Variants in NALF1 observed in about 807,000 individuals in gnomAD.
NALF1 encodes family with sequence similarity 155 member A.
NALF1 carries 3 observed loss-of-function variants against 48.4 expected under a neutral mutation model. The observed-to-expected ratio is 0.06, with a 90% CI of 0.03 to 0.16. NALF1 has a LOEUF of 0.16. Ranked by LOEUF, NALF1 falls within the 10% of genes least tolerant of loss-of-function variation. The pLI, the probability that NALF1 is intolerant of heterozygous loss-of-function variation, is 1.00. For missense variants in NALF1, 526 were observed against 571.5 expected (o/e 0.92, Z 0.81); for synonymous variants, 262 against 245.7 (o/e 1.07, Z -0.62).
intron 1 of NALF1, among the ~76,000 whole-genome samples, chr13:107,348,620 C>A (rs1882816726): frequency 6.6e-6 from 1 of 151,646 alleles, no homozygotes; most frequent in Non-Finnish European, 1.5e-5. Flanking sequence ...CAGGCCCCTG[C>A]GTGTGATGTT....
intron 1 of NALF1, among the ~76,000 whole-genome samples, chr13:107,540,750 G>A (rs1876976515): frequency 6.6e-6 from 1 of 152,046 alleles, no homozygotes; most frequent in Non-Finnish European, 1.5e-5. Context: ...AGCACAACAA[G>A]CATTAAAGTC....
At chr13:107,250,520 C>CTGTAA (rs1880676947) in intron 1 of NALF1, among the ~76,000 whole-genome samples, 1 of 152,030 alleles carries the variant, frequency 6.6e-6, no homozygotes, top group African/African-American at 2.4e-5. Flanking sequence ...TACAGTAACA[C>CTGTAA]TGGATGATAG....
intron 1 of NALF1, among the ~76,000 whole-genome samples, chr13:107,522,720 TTGCG>T (rs1566376175): frequency 1.3e-5 from 2 of 152,060 alleles, no homozygotes; most frequent in South Asian, 4.2e-4. Context: ...TCTCCTGCCT[TTGCG>T]TCCCGAGTAG....
Position 107,598,970 on chromosome 13 carries a change from T to C in NALF1, c.915+266712A>G, listed in dbSNP as rs1313402680. ...TTCCCGCCAAGACTAGAAAAGTACA[T>C]AATGCTCAATAAACATTTATCAAAT... On this transcript the variant is annotated intron_variant, in intron 1 of 2. Coordinates refer to ENST00000375915, the MANE Select transcript of NALF1 (RefSeq NM_001080396.3). Among the ~76,000 whole-genome samples the C allele has an allele frequency of 4.6e-5, 7 of 152,334 alleles. No individual in the cohort carries two copies. The East Asian group carries it at 1.3e-3, about 29-fold the overall frequency.
At chr13:107,622,491 G>T (rs576446298) in intron 1 of NALF1, among the ~76,000 whole-genome samples, 3 of 151,104 alleles carry the variant, frequency 2.0e-5, no homozygotes, top group South Asian at 4.2e-4. Context: ...AAAACAGAGA[G>T]AAAAGAAAAG....
chr13:107,321,872 A>G (rs1882262369), intron 1 of NALF1, among the ~76,000 whole-genome samples: 1 of 152,060 alleles, frequency 6.6e-6, no homozygotes, highest in Non-Finnish European at 1.5e-5. Context: ...CAAAACCTAA[A>G]AAAACGGTAT....
At chr13:107,221,044 C>T (rs1205793954) in intron 1 of NALF1, among the ~76,000 whole-genome samples, 1 of 152,038 alleles carries the variant, frequency 6.6e-6, no homozygotes, top group Non-Finnish European at 1.5e-5. Flanking sequence ...CCAAATACTG[C>T]ATATTCTCAT....
intron 1 of NALF1, among the ~76,000 whole-genome samples, chr13:107,858,693 G>GATTA (rs1402196786): frequency 6.6e-6 from 1 of 152,114 alleles, no homozygotes; most frequent in Non-Finnish European, 1.5e-5. Context: ...TCTCAAAATA[G>GATTA]ATTAATTAAT....
At chr13:107,505,714 C>T (rs1245899994) in intron 1 of NALF1, among the ~76,000 whole-genome samples, 1 of 152,156 alleles carries the variant, frequency 6.6e-6, no homozygotes, top group Non-Finnish European at 1.5e-5. Flanking sequence ...CGTAAATAAA[C>T]AGAGATGGTC....
At chr13:107,730,948 G>C (rs11069699) in intron 1 of NALF1, among the ~76,000 whole-genome samples, 2,467 of 152,238 alleles carry the variant, frequency 0.016, 25 homozygotes, top group Non-Finnish European at 0.023. Context: ...TCAGACAAGG[G>C]ATAAAGTGCT....
intron 1 of NALF1, among the ~76,000 whole-genome samples, chr13:107,368,277 T>C (rs1883186392): frequency 6.6e-6 from 1 of 152,144 alleles, no homozygotes; most frequent in Non-Finnish European, 1.5e-5. Context: ...TTTTCTTGTC[T>C]GCTGTAATTA....
chr13:107,185,306 C>A (rs182917513), intron 2 of NALF1, among the ~76,000 whole-genome samples: 197 of 152,122 alleles, frequency 1.3e-3, no homozygotes, highest in African/African-American at 4.5e-3. Flanking sequence ...TGCTGGGAAA[C>A]GAATATACTG....
rs142170763 is a variant in NALF1 at position 107,303,222 on chromosome 13, A to G, written c.916-92467T>C. On this transcript the variant is annotated intron_variant, in intron 1 of 2. Transcript: ENST00000375915. ...AAATGTCTACGTAAGTTCTTTGCCCATCTTTGGTATCTTTTTGTTGTTGAG... is the reference window on the plus strand; with the variant it reads ...AAATGTCTACGTAAGTTCTTTGCCCGTCTTTGGTATCTTTTTGTTGTTGAG... Among the ~76,000 whole-genome samples, 916 of 152,076 alleles carry G rather than the reference A, an allele frequency of 6.0e-3. 3 individuals carry two copies. Among genetic ancestry groups the G allele is most frequent in the Non-Finnish European group, 8.7e-3 (593 of 67,994 alleles).
intron 1 of NALF1, among the ~76,000 whole-genome samples, chr13:107,786,244 C>T (rs1878066141): frequency 6.6e-6 from 1 of 151,574 alleles, no homozygotes; most frequent in Admixed American, 6.6e-5. Flanking sequence ...TGGTGAAACG[C>T]CATCTCTACT....
intron 1 of NALF1, among the ~76,000 whole-genome samples, chr13:107,614,889 G>C (rs1308367324): frequency 6.6e-6 from 1 of 151,382 alleles, no homozygotes; most frequent in Non-Finnish European, 1.5e-5. Context: ...TGATTCTCCT[G>C]CCTCAGCTTC....
chr13:107,813,497 A>G (rs1030243276), intron 1 of NALF1, among the ~76,000 whole-genome samples: 2 of 152,062 alleles, frequency 1.3e-5, no homozygotes. Flanking sequence ...GTGTTTTCCC[A>G]TTTTCTCATA....
intron 1 of NALF1, among the ~76,000 whole-genome samples, chr13:107,403,187 GCTTTTTT>G (rs1369545537): frequency 9.0e-5 from 7 of 77,584 alleles, no homozygotes; most frequent in African/African-American, 3.2e-4. Flanking sequence ...TCTTGTTCGG[GCTTTTTT>G]TTTTTTTTTT....
chr13:107,276,812 T>G (rs1439260957), intron 1 of NALF1, among the ~76,000 whole-genome samples: 1 of 152,176 alleles, frequency 6.6e-6, no homozygotes, highest in Non-Finnish European at 1.5e-5. Flanking sequence ...ATTTAAAATT[T>G]AAAAACATTC....
At chr13:107,714,155 G>A (rs1875680779) in intron 1 of NALF1, among the ~76,000 whole-genome samples, 1 of 152,290 alleles carries the variant, frequency 6.6e-6, no homozygotes, top group African/African-American at 2.4e-5. Context: ...AAAGAAAGAA[G>A]CTCTTTTGTG....
Sources: allele counts gnomAD v4.1 joint callset (sites outside exome capture counted in the v4.1 genomes callset), GRCh38; gene constraint gnomAD v4.1.1; transcripts MANE v1.5; gene names NCBI Gene and HGNC (gene_info 2026-07-23, HGNC 2026-07-21).